The following NTRK2 variants were observed in gnomAD, a reference collection of about 807,000 sequenced individuals.
NTRK2 encodes the protein neurotrophic receptor tyrosine kinase 2, also known as BDNF/NT-3 growth factors receptor.
Under a neutral mutation model 94.5 loss-of-function variants are expected in NTRK2, and 13 were observed. The observed-to-expected ratio is 0.14, with a 90% CI of 0.09 to 0.22. The LOEUF (loss-of-function observed/expected upper bound fraction) is 0.22. NTRK2 is among the 10% of genes least tolerant of loss of function. The probability of loss-of-function intolerance (pLI) is 1.00; values close to 1 mark genes in which losing one functional copy is unlikely to be tolerated. For missense variants in NTRK2, 639 were observed against 1,071.2 expected (o/e 0.60, Z 5.63); for synonymous variants, 372 against 407.4 (o/e 0.91, Z 1.05).
intron 12 of NTRK2, among the ~76,000 whole-genome samples, chr9:84,851,146 C>T (rs1341873260): frequency 1.3e-5 from 2 of 152,122 alleles, no homozygotes; most frequent in African/African-American, 4.8e-5. Context: ...ACCATTGTGA[C>T]AGCCCCAAAA....
chr9:84,742,453 G>C (rs897898601), intron 10 of NTRK2, among the ~76,000 whole-genome samples: 10 of 152,146 alleles, frequency 6.6e-5, no homozygotes, highest in Admixed American at 1.3e-4. Context: ...ACTGAAGGCT[G>C]GTCCCCTTGT....
chr9:84,951,919 A>G (rs910260798), intron 16 of NTRK2, among the ~76,000 whole-genome samples: 3 of 152,116 alleles, frequency 2.0e-5, no homozygotes, highest in African/African-American at 7.2e-5. Flanking sequence ...CAGAAGCCAT[A>G]TATTAAGCAC....
intron 2 of NTRK2, among the ~76,000 whole-genome samples, chr9:84,690,377 C>A (rs2059973805): frequency 6.6e-6 from 1 of 152,154 alleles, no homozygotes; most frequent in Non-Finnish European, 1.5e-5. Context: ...AGGCCAAGAG[C>A]TTTCAAAACT....
intron 17 of NTRK2, among the ~76,000 whole-genome samples, chr9:84,984,971 A>G (rs934537082): frequency 1.3e-5 from 2 of 152,248 alleles, no homozygotes; most frequent in Non-Finnish European, 2.9e-5. Flanking sequence ...TGTTGCTATT[A>G]TTATAGACTA....
intron 13 of NTRK2, among the ~76,000 whole-genome samples, chr9:84,863,551 A>G (rs944744761): frequency 1.3e-5 from 2 of 152,216 alleles, no homozygotes; most frequent in African/African-American, 4.8e-5. Context: ...GCATAGACAT[A>G]CAAAGACACA....
intron 9 of NTRK2, among the ~76,000 whole-genome samples, chr9:84,741,159 T>C (rs1297408971): frequency 6.6e-6 from 1 of 152,232 alleles, no homozygotes; most frequent in African/African-American, 2.4e-5. Context: ...AAAAATGTTT[T>C]TGGCAAGTCT....
chr9:84,983,103 C>T (rs576215383), intron 17 of NTRK2, among the ~76,000 whole-genome samples: 4 of 152,264 alleles, frequency 2.6e-5, no homozygotes, highest in South Asian at 2.1e-4. Flanking sequence ...TGAGGAAAAA[C>T]GGCCCCTTCA....
At position 85,025,567 on chromosome 9, in the gene NTRK2, T is replaced by C. The variant is rs1164942773; in HGVS notation, c.*4130T>C. On this transcript the variant is annotated 3_prime_UTR_variant, in exon 19 of 19. Coordinates refer to ENST00000277120, the MANE Select transcript of NTRK2 (RefSeq NM_006180.6). ...GGATTACCTGGTCAAGTATGGACTTTCTTTGAATCTTTCTTTTCACAAATT... is the reference window on the plus strand; with the variant it reads ...GGATTACCTGGTCAAGTATGGACTTCCTTTGAATCTTTCTTTTCACAAATT... The C allele has an allele frequency of 4.3e-6, 1 of 233,146 alleles. No homozygotes were observed. The highest frequency in any genetic ancestry group is 2.2e-5 in the African/African-American group (1 of 45,356). The allele number at this position is 233,146 out of a possible 1,614,324, so 14.4% of individuals were successfully genotyped here. A position where few individuals can be genotyped will look rare whatever the true frequency, so the allele number is the denominator to read the frequency against.
intron 15 of NTRK2, 102 bp from the exon 16 acceptor site, chr9:84,948,360 T>A: frequency 8.4e-7 from 1 of 1,184,192 alleles, no homozygotes; most frequent in Non-Finnish European, 1.2e-6. Context: ...GGAACTAGGC[T>A]GTTTTCTCAT....
chr9:84,914,207 C>T (rs781679091), intron 14 of NTRK2, among the ~76,000 whole-genome samples: 7 of 151,912 alleles, frequency 4.6e-5, no homozygotes, highest in Non-Finnish European at 7.4e-5. Context: ...ATTTCTTTCC[C>T]GGCACTTACT....
rs77188357 is a variant in NTRK2, at chr9:84,778,796, C to T, written c.1396+26711C>T. On this transcript the variant is annotated intron_variant, in intron 12 of 18. Coordinates refer to ENST00000277120, the MANE Select transcript of NTRK2 (RefSeq NM_006180.6). ...TGGTGGACTGTGCCTTCACGGACAC[C>T]GTGCAATGTCCCTATCTTCTGGTGT... 3.3e-3 allele frequency among the ~76,000 whole-genome samples: 510 copies of T among 152,308 alleles called. 8 individuals are homozygous for T. In the East Asian group the frequency reaches 0.051, roughly 15 times the overall value.
At chr9:84,810,771 G>A (rs2071692849) in intron 12 of NTRK2, 2 of 1,440,274 alleles carry the variant, frequency 1.4e-6, no homozygotes, top group African/African-American at 1.4e-5. Context: ...CTGTGATTGG[G>A]GAACACCAAT....
chr9:84,670,755 T>A lies in NTRK2; in HGVS notation c.7T>A (p.Ser3Thr). Residue 3 changes from serine to threonine, a missense_variant, in exon 2 of 19, where the codon TCC (serine) becomes ACC (threonine). Physicochemically the swap from Ser to Thr is moderately conservative, Grantham distance 58 (BLOSUM62 1). This residue lies in a region of NTRK2 where 206 missense variants were observed against 251.5 expected (regional missense o/e 0.82). Transcript: ENST00000277120. Reference protein sequence around the residue: MSSWIRWHGPAMA... With the variant: MSTWIRWHGPAMA... ...CTGGCACTGGCTGCTAGGGATGTCG[T>A]CCTGGATAAGGTGGCATGGACCCGC... is the stretch of plus-strand genomic sequence containing the variant. 2 of 1,612,906 alleles carry A rather than the reference T, an allele frequency of 1.2e-6. No homozygotes were observed. Among genetic ancestry groups the A allele is most frequent in the Non-Finnish European group, 1.7e-6 (2 of 1,180,016 alleles).
intron 17 of NTRK2, among the ~76,000 whole-genome samples, chr9:84,996,897 ATAAC>A (rs1254650101): frequency 6.6e-6 from 1 of 152,206 alleles, no homozygotes; most frequent in Non-Finnish European, 1.5e-5. Flanking sequence ...AGTGCCTCCA[ATAAC>A]TAACTTACTT....
intron 11 of NTRK2, among the ~76,000 whole-genome samples, chr9:84,747,065 T>G (rs1336159608): frequency 6.6e-6 from 1 of 152,004 alleles, no homozygotes; most frequent in Non-Finnish European, 1.5e-5. Flanking sequence ...AAAGGGGTGA[T>G]CCATTAGGGG....
At chr9:85,004,249 C>T (rs1251429008) in intron 17 of NTRK2, among the ~76,000 whole-genome samples, 1 of 151,998 alleles carries the variant, frequency 6.6e-6, no homozygotes, top group South Asian at 2.1e-4. Flanking sequence ...GTTCCAAAGT[C>T]TGATGTTCTT....
upstream of NTRK2, chr9:84,669,415 A>G (rs1266329439): frequency 6.6e-6 from 1 of 152,648 alleles, no homozygotes; most frequent in Non-Finnish European, 1.5e-5. The surrounding 1 kb of genome is among the most constrained non-coding windows in gnomAD (Gnocchi z 4.1). Flanking sequence ...GGAACGGTTC[A>G]TCTTAGAGGT....
At chr9:84,975,418 T>A (rs1826715549) in intron 17 of NTRK2, among the ~76,000 whole-genome samples, 3 of 152,200 alleles carry the variant, frequency 2.0e-5, no homozygotes, top group Non-Finnish European at 4.4e-5. Flanking sequence ...GAAGTTCTGA[T>A]TCATAGAGTA....
intron 12 of NTRK2, among the ~76,000 whole-genome samples, chr9:84,767,811 C>G (rs1424894542): frequency 6.6e-6 from 1 of 152,184 alleles, no homozygotes; most frequent in Non-Finnish European, 1.5e-5. Flanking sequence ...TTCGATTCTT[C>G]TTAATTCTTC....
Sources: gnomAD v4.1 joint callset for allele counts (sites outside exome capture counted in the v4.1 genomes callset) on GRCh38, gnomAD v4.1.1 for gene constraint, gnomAD v4.1.1 regional missense constraint, Gnocchi (gnomAD v3.1) non-coding constraint, MANE v1.5 for transcripts, NCBI Gene and HGNC (gene_info 2026-07-23, HGNC 2026-07-21) for gene names.